GLRA2: variants seen among roughly 807,000 people sequenced by gnomAD.
GLRA2 encodes glycine receptor subunit alpha-2.
Under a neutral mutation model 31.6 loss-of-function variants are expected in GLRA2, and 11 were observed. The ratio of observed to expected loss-of-function variants is 0.35; its 90% confidence interval spans 0.22 to 0.58. GLRA2 has a LOEUF of 0.58. Among genes scored for constraint, GLRA2 ranks in the 20% least tolerant of loss-of-function variants. The pLI, the probability that GLRA2 is intolerant of heterozygous loss-of-function variation, is 0.84. For missense variants in GLRA2, 212 were observed against 351.8 expected, an observed-to-expected ratio of 0.60 and a Z score of 3.18; for synonymous variants, 132 against 134.0, an observed-to-expected ratio of 0.99 and a Z score of 0.10.
the GLRA2 span, among the ~76,000 whole-genome samples, chrX:14,490,168 G>C: frequency 2.7e-5 from 3 of 111,898 alleles, no homozygotes; most frequent in African/African-American, 9.8e-5. Flanking sequence ...ACCTGCCTGG[G>C]ATTCAGCTGT....
the GLRA2 span, among the ~76,000 whole-genome samples, chrX:14,502,879 AATGC>A: frequency 1.6e-4 from 16 of 100,770 alleles, no homozygotes; most frequent in African/African-American, 5.6e-4. Flanking sequence ...GAAGCACAAA[AATGC>A]AAAAAAAAAA....
intron 7 of GLRA2, among the ~76,000 whole-genome samples, chrX:14,683,259 G>A (rs1475524582): frequency 1.8e-5 from 2 of 111,813 alleles, no homozygotes; most frequent in Non-Finnish European, 1.9e-5. Context: ...GGTGTGAGAT[G>A]GTATCTCATT....
chrX:14,678,742 T>A (rs1412071140), intron 7 of GLRA2, among the ~76,000 whole-genome samples: 6 of 111,762 alleles, frequency 5.4e-5, no homozygotes, highest in African/African-American at 2.0e-4. Flanking sequence ...CACAAAACCT[T>A]CATATCCTCA....
chrX:14,676,492 C>T (rs2091147067), intron 7 of GLRA2, among the ~76,000 whole-genome samples: 1 of 112,059 alleles, frequency 8.9e-6, no homozygotes. Flanking sequence ...CCTTGATTAG[C>T]TGCTGGAGGA....
chrX:14,454,188 CCACACA>C, the GLRA2 span, among the ~76,000 whole-genome samples: 1,546 of 101,458 alleles, frequency 0.015, 6 homozygotes, highest in East Asian at 0.045. Context: ...ACCCACACAC[CCACACA>C]CACACACACA....
At chrX:14,573,502 A>G (rs1332910245) in intron 2 of GLRA2, among the ~76,000 whole-genome samples, 1 of 111,747 alleles carries the variant, frequency 8.9e-6, no homozygotes, top group South Asian at 3.7e-4. Context: ...CTCAGAAAGC[A>G]TTAGGAGAAA....
intron 2 of GLRA2, among the ~76,000 whole-genome samples, chrX:14,566,083 GAA>G (rs1406408924): frequency 1.8e-5 from 2 of 110,782 alleles, no homozygotes; most frequent in Admixed American, 1.9e-4. Context: ...GACTGACGAA[GAA>G]AAAAAGAGGA....
At chrX:14,546,549 C>T (rs763504001) in intron 2 of GLRA2, among the ~76,000 whole-genome samples, 55 of 110,975 alleles carry the variant, frequency 5.0e-4, no homozygotes, top group Non-Finnish European at 8.7e-4. Flanking sequence ...GAAAACTCCA[C>T]GATTCTACTT....
chrX:14,679,583 C>T (rs192016409), intron 7 of GLRA2, among the ~76,000 whole-genome samples: 77 of 110,934 alleles, frequency 6.9e-4, no homozygotes, highest in Middle Eastern at 4.6e-3. Flanking sequence ...CACCCCTCAC[C>T]GTTAACTCCC....
At chrX:14,579,085 G>A (rs1257575856) in intron 3 of GLRA2, among the ~76,000 whole-genome samples, 6 of 111,991 alleles carry the variant, frequency 5.4e-5, no homozygotes, top group Non-Finnish European at 1.1e-4. Context: ...GGTTACTTCT[G>A]CAGAATGAAG....
intron 8 of GLRA2, among the ~76,000 whole-genome samples, chrX:14,704,373 AAAATCCAGATCCTGCAC>A (rs1019520287): frequency 8.0e-5 from 9 of 112,180 alleles, no homozygotes; most frequent in Admixed American, 7.5e-4. Flanking sequence ...TTTCCACTTT[AAAATCCAGATCCTGCAC>A]AATGGTTTAA....
Position 14,691,369 on chromosome X carries a change from T to C in GLRA2, c.1080+510T>C, listed in dbSNP as rs1261853746. 9.1e-5 allele frequency among the ~76,000 whole-genome samples: 10 copies of C among 109,312 alleles called. No homozygotes were observed. In the Admixed American group the frequency reaches 9.8e-4, roughly 11 times the overall value. 94.9% of individuals were successfully genotyped at this position (109,312 alleles called of 115,157 possible). A position where few individuals can be genotyped will look rare whatever the true frequency, so the allele number is the denominator to read the frequency against. On this transcript the variant is annotated intron_variant, in intron 8 of 8. Transcript: ENST00000218075. ...CATCACTGATCTGATTGACTTTTTT[T>C]CATCAATTGCTCTGGCTTTATGTAA...
chrX:14,555,875 T>G (rs1034347358), intron 2 of GLRA2, among the ~76,000 whole-genome samples: 8 of 111,981 alleles, frequency 7.1e-5, no homozygotes, highest in Non-Finnish European at 1.1e-4. Flanking sequence ...GAACATTTAC[T>G]GAATGCCTAC....
Position 14,529,869 on chromosome X carries a change from G to A in GLRA2, c.-189G>A, listed in dbSNP as rs2089231236. On this transcript the variant is annotated 5_prime_UTR_variant, in exon 1 of 9. An upstream open reading frame in the 5' UTR loses its in-frame stop. Transcript: ENST00000218075. ...ATGGTCCCAAGCCTCGGTTTGACCT[G>A]ACCATGATGCCCAGGACTGGCACTT... is the stretch of plus-strand genomic sequence containing the variant. The A allele has an allele frequency of 4.5e-6, 2 of 448,658 alleles. No individual in the cohort carries two copies. Among genetic ancestry groups the A allele is most frequent in the Non-Finnish European group, 7.8e-6 (2 of 256,648 alleles). The allele number at this position is 448,658 out of a possible 1,213,427, so 37.0% of individuals were successfully genotyped here. A position where few individuals can be genotyped will look rare whatever the true frequency, so the allele number is the denominator to read the frequency against.
chrX:14,457,342 A>C, the GLRA2 span, among the ~76,000 whole-genome samples: 1 of 108,481 alleles, frequency 9.2e-6, no homozygotes. Flanking sequence ...TAATGTTATC[A>C]CTCCCCTAGC....
chrX:14,642,929 G>T (rs1415179663), intron 7 of GLRA2, among the ~76,000 whole-genome samples: 2 of 111,130 alleles, frequency 1.8e-5, no homozygotes, highest in Non-Finnish European at 3.8e-5. Flanking sequence ...CCTAAAATAG[G>T]AAGATCATCT....
At chrX:14,512,050 GA>G in the GLRA2 span, among the ~76,000 whole-genome samples, 1 of 111,548 alleles carries the variant, frequency 9.0e-6, no homozygotes, top group Non-Finnish European at 1.9e-5. Context: ...CATGTTTTTT[GA>G]AAAGCACTGT....
At chrX:14,574,742 T>G (rs1440543894) in intron 3 of GLRA2, among the ~76,000 whole-genome samples, 1 of 112,117 alleles carries the variant, frequency 8.9e-6, no homozygotes, top group African/African-American at 3.2e-5. Context: ...TTACTTAATA[T>G]TCAGTGATCT....
intron 7 of GLRA2, among the ~76,000 whole-genome samples, chrX:14,624,445 G>A (rs1226580352): frequency 3.6e-5 from 4 of 111,407 alleles, no homozygotes; most frequent in Non-Finnish European, 5.7e-5. Context: ...GGTGATGTTA[G>A]GTTGTCAATT....
Sources: gnomAD v4.1 joint callset for allele counts (sites outside exome capture counted in the v4.1 genomes callset) on GRCh38, gnomAD v4.1.1 for gene constraint, MANE v1.5 for transcripts, NCBI Gene and HGNC (gene_info 2026-07-23, HGNC 2026-07-21) for gene names.